The following AQP9 variants were observed in gnomAD, a reference collection of about 807,000 sequenced individuals.
AQP9 encodes the protein aquaporin 9.
A neutral mutation model predicts 23.8 loss-of-function variants in AQP9; 19 were observed. That is an observed-to-expected ratio of 0.80 (90% confidence interval 0.56 to 1.17). The LOEUF (loss-of-function observed/expected upper bound fraction) is 1.17. Among genes scored for constraint, AQP9 ranks in the 50% most tolerant of loss-of-function variants. The probability of loss-of-function intolerance (pLI) is 0.00; values close to 1 mark genes in which losing one functional copy is unlikely to be tolerated. For missense variants in AQP9, 413 were observed against 362.0 expected (o/e 1.14, Z -1.14); for synonymous variants, 153 against 131.5 (o/e 1.16, Z -1.12).
At chr15:58,147,625 C>T (rs766454807) in intron 1 of AQP9, among the ~76,000 whole-genome samples, 9 of 152,224 alleles carry the variant, frequency 5.9e-5, no homozygotes, top group East Asian at 3.9e-4. Context: ...AGACCATAAA[C>T]GACTTGAAGG....
intron 1 of AQP9, among the ~76,000 whole-genome samples, chr15:58,148,888 T>C (rs1898096905): frequency 6.6e-6 from 1 of 152,174 alleles, no homozygotes; most frequent in African/African-American, 2.4e-5. Context: ...GCTCTCAAAT[T>C]GCAGATTCCT....
At chr15:58,174,764 C>T (rs1898701312) in intron 3 of AQP9, among the ~76,000 whole-genome samples, 154 bp from the exon 4 acceptor site, 1 of 152,194 alleles carries the variant, frequency 6.6e-6, no homozygotes, top group Admixed American at 6.5e-5. Context: ...CTGGGCATCT[C>T]TAAAACTATC....
At chr15:58,140,444 A>G (rs1897932613) in intron 1 of AQP9, among the ~76,000 whole-genome samples, 1 of 152,198 alleles carries the variant, frequency 6.6e-6, no homozygotes, top group Admixed American at 6.5e-5. Flanking sequence ...TGAAATATTT[A>G]ATTTCCATTT....
chr15:58,164,578 T>G (rs531093390), intron 1 of AQP9, among the ~76,000 whole-genome samples: 1 of 152,190 alleles, frequency 6.6e-6, no homozygotes, highest in Non-Finnish European at 1.5e-5. Flanking sequence ...TGTTAGGCTA[T>G]AAAATGGACT....
intron 1 of AQP9, chr15:58,153,370 T>A (rs1255301503): frequency 6.6e-6 from 1 of 152,196 alleles, no homozygotes; most frequent in African/African-American, 2.4e-5. Context: ...ACAGTTTTTC[T>A]ACTTATCTGC....
chr15:58,185,400 G>A lies in AQP9; in HGVS notation c.*1265G>A, dbSNP rs955358439. 6.6e-6 allele frequency: 1 copy of A among 152,632 alleles called. No individual in the cohort carries two copies. Among genetic ancestry groups the A allele is most frequent in the Admixed American group, 6.5e-5 (1 of 15,274 alleles). 9.5% of individuals were successfully genotyped at this position (152,632 alleles called of 1,614,324 possible). On this transcript the variant is annotated 3_prime_UTR_variant, in exon 6 of 6. Transcript: ENST00000219919. ...TGGACAAAATGTTCCTCAATCTTAA[G>A]ATACAAAGACCCTCATTGTCTGGGT...
intron 4 of AQP9, among the ~76,000 whole-genome samples, chr15:58,176,437 G>T (rs536200648): frequency 1.3e-5 from 2 of 152,160 alleles, no homozygotes; most frequent in African/African-American, 4.8e-5. Context: ...AGGATAGCTT[G>T]CACCCAGGAG....
At chr15:58,141,432 C>G (rs990426357) in intron 1 of AQP9, among the ~76,000 whole-genome samples, 3 of 152,182 alleles carry the variant, frequency 2.0e-5, no homozygotes, top group African/African-American at 7.2e-5. Flanking sequence ...TGTCAAGCTT[C>G]CGCATTAGAG....
chr15:58,151,560 A>G (rs1194931054), intron 1 of AQP9: 3 of 151,846 alleles, frequency 2.0e-5, no homozygotes, highest in Admixed American at 2.0e-4. Flanking sequence ...AGCCAACATC[A>G]CCTTTCCAAT....
chr15:58,183,078 C>T (rs1366437484), intron 5 of AQP9, among the ~76,000 whole-genome samples: 1 of 152,206 alleles, frequency 6.6e-6, no homozygotes, highest in South Asian at 2.1e-4. Flanking sequence ...CTTCTAGAAT[C>T]CAACTAGAAC....
At chr15:58,183,815 T>C (rs1898946291) in intron 5 of AQP9, 146 bp from the exon 6 acceptor site, 4 of 791,914 alleles carry the variant, frequency 5.1e-6, no homozygotes, top group Non-Finnish European at 8.2e-6. Flanking sequence ...GTTGCCATGC[T>C]GCACTGAGCC....
chr15:58,144,472 T>C (rs538032142), intron 1 of AQP9, among the ~76,000 whole-genome samples: 5 of 152,372 alleles, frequency 3.3e-5, no homozygotes, highest in Admixed American at 3.3e-4. Context: ...GCCATTGATC[T>C]GTTTGTCCAA....
At chr15:58,177,798 G>A (rs73428103) in intron 4 of AQP9, among the ~76,000 whole-genome samples, 3,581 of 152,246 alleles carry the variant, frequency 0.024, 145 homozygotes, top group African/African-American at 0.081. Context: ...AAGTAAAACA[G>A]TAGTTTGGAA....
chr15:58,180,202 C>T (rs1424225809), intron 5 of AQP9, among the ~76,000 whole-genome samples: 1 of 152,166 alleles, frequency 6.6e-6, no homozygotes, highest in Non-Finnish European at 1.5e-5. Flanking sequence ...GGGGAAGGAG[C>T]TCACTTTGGT....
At chr15:58,178,892 C>A (rs1330645119) in intron 4 of AQP9, among the ~76,000 whole-genome samples, 1 of 152,272 alleles carries the variant, frequency 6.6e-6, no homozygotes, top group East Asian at 1.9e-4. Context: ...ACTAAGTGGG[C>A]AGGGTAACCA....
intron 1 of AQP9, among the ~76,000 whole-genome samples, chr15:58,143,310 T>C (rs1216255633): frequency 2.0e-5 from 3 of 152,174 alleles, no homozygotes; most frequent in Non-Finnish European, 2.9e-5. Context: ...CTCGAGGCTG[T>C]CTTCTGTCAA....
At chr15:58,153,447 C>G (rs1479169915) in intron 1 of AQP9, 1 of 152,090 alleles carries the variant, frequency 6.6e-6, no homozygotes, top group Non-Finnish European at 1.5e-5. Context: ...GGCATCACCA[C>G]ATTATTAACA....
At chr15:58,142,979 C>A (rs1423953972) in intron 1 of AQP9, among the ~76,000 whole-genome samples, 1 of 152,136 alleles carries the variant, frequency 6.6e-6, no homozygotes, top group Non-Finnish European at 1.5e-5. Context: ...CAGGCCCTCG[C>A]TCAGAAACTT....
chr15:58,175,947 C>A (rs943107706), intron 4 of AQP9, among the ~76,000 whole-genome samples: 1 of 152,122 alleles, frequency 6.6e-6, no homozygotes, highest in Non-Finnish European at 1.5e-5. Context: ...GAAAGACTGA[C>A]GAGTAAATGT....
Sources: allele counts gnomAD v4.1 joint callset (sites outside exome capture counted in the v4.1 genomes callset), GRCh38; gene constraint gnomAD v4.1.1; transcripts MANE v1.5; gene names NCBI Gene and HGNC (gene_info 2026-07-23, HGNC 2026-07-21).